The following SETBP1 variants were observed in gnomAD, a reference collection of about 807,000 sequenced individuals.
SETBP1 encodes the protein SET-binding protein.
A neutral mutation model predicts 101.0 loss-of-function variants in SETBP1; 9 were observed. The observed-to-expected ratio is 0.09, with a 90% confidence interval of 0.05 to 0.16. The LOEUF (loss-of-function observed/expected upper bound fraction) is 0.16, where lower values mean the gene tolerates loss of function less well. Among genes scored for constraint, SETBP1 ranks in the 10% least tolerant of loss-of-function variants. The pLI, the probability that SETBP1 is intolerant of heterozygous loss-of-function variation, is 1.00. For synonymous variants in SETBP1, 818 were observed against 788.5 expected (o/e 1.04, Z -0.63); for missense variants, 1,858 against 2,033.8 (o/e 0.91, Z 1.66).
intron 4 of SETBP1, among the ~76,000 whole-genome samples, chr18:44,981,816 G>A (rs1159125309): frequency 6.6e-6 from 1 of 152,082 alleles, no homozygotes; most frequent in Non-Finnish European, 1.5e-5. Context: ...TTTTTTTTAA[G>A]AAGCCCTTAG....
At chr18:44,748,387 A>G (rs925732501) in intron 2 of SETBP1, among the ~76,000 whole-genome samples, 2 of 152,250 alleles carry the variant, frequency 1.3e-5, no homozygotes, top group East Asian at 1.9e-4. Context: ...AGAGCAAACA[A>G]GAACATTGGT....
chr18:44,862,918 G>A (rs1446098337), intron 2 of SETBP1, among the ~76,000 whole-genome samples: 1 of 152,172 alleles, frequency 6.6e-6, no homozygotes, highest in Non-Finnish European at 1.5e-5. Flanking sequence ...AATGAGACCT[G>A]CATAGGTAAA....
chr18:44,713,293 A>C (rs2069386327), intron 2 of SETBP1, among the ~76,000 whole-genome samples: 1 of 151,858 alleles, frequency 6.6e-6, no homozygotes, highest in Admixed American at 6.6e-5. Flanking sequence ...ACCCCTTTCC[A>C]ACTCCCTAAG....
chr18:44,846,522 A>G (rs2072728166), intron 2 of SETBP1, among the ~76,000 whole-genome samples: 2 of 152,202 alleles, frequency 1.3e-5, no homozygotes, highest in South Asian at 4.1e-4. Context: ...GCATGTGCCC[A>G]GTTCCATTTT....
intron 2 of SETBP1, among the ~76,000 whole-genome samples, chr18:44,777,854 A>G (rs182822714): frequency 3.3e-5 from 5 of 152,252 alleles, no homozygotes; most frequent in Non-Finnish European, 5.9e-5. Context: ...TTTCTCAAGC[A>G]CTTTATTTGT....
rs893380042 is a variant in SETBP1, at chr18:45,066,772, C to A, written c.*3074C>A. The A allele has an allele frequency of 6.6e-6, 1 of 150,692 alleles. No homozygotes were observed. Among genetic ancestry groups the A allele is most frequent in the Non-Finnish European group, 1.5e-5 (1 of 67,726 alleles). 9.3% of individuals were successfully genotyped at this position (150,692 alleles called of 1,614,324 possible). On this transcript the variant is annotated 3_prime_UTR_variant, in exon 6 of 6. Transcript: ENST00000649279. Reference sequence around the variant, plus strand: ...AAGAGAAACCCCTTGATTTTTATTTCTTTTTCTTTTGTTTTCTGGATTACC... The same window carrying A: ...AAGAGAAACCCCTTGATTTTTATTTATTTTTCTTTTGTTTTCTGGATTACC...
intron 2 of SETBP1, among the ~76,000 whole-genome samples, chr18:44,721,344 GCA>G (rs1341294231): frequency 1.3e-5 from 2 of 152,178 alleles, no homozygotes; most frequent in African/African-American, 4.8e-5. Flanking sequence ...ATATAGGAAT[GCA>G]CAGAGGAAAG....
chr18:44,732,522 A>G (rs1313168374), intron 2 of SETBP1: 5 of 152,220 alleles, frequency 3.3e-5, no homozygotes, highest in Admixed American at 6.5e-5. Context: ...AGGAGCAGCC[A>G]TATTGTATGT....
intron 5 of SETBP1, among the ~76,000 whole-genome samples, chr18:45,058,070 A>G (rs1457567617): frequency 6.6e-6 from 1 of 152,250 alleles, no homozygotes; most frequent in Non-Finnish European, 1.5e-5. Context: ...GGCAATTTCA[A>G]ATATAGATAG....
chr18:44,755,149 A>G (rs1189730604), intron 2 of SETBP1, among the ~76,000 whole-genome samples: 1 of 152,242 alleles, frequency 6.6e-6, no homozygotes, highest in African/African-American at 2.4e-5. Flanking sequence ...TTTTCAGAAA[A>G]TGTTTTCCAA....
At chr18:44,816,193 C>G (rs368181706) in intron 2 of SETBP1, among the ~76,000 whole-genome samples, 20 of 152,126 alleles carry the variant, frequency 1.3e-4, no homozygotes, top group Admixed American at 7.2e-4. Context: ...CTTCCACAAG[C>G]CTTTTTCATT....
At chr18:44,946,413 C>T (rs2071208994) in intron 3 of SETBP1, among the ~76,000 whole-genome samples, 1 of 152,228 alleles carries the variant, frequency 6.6e-6, no homozygotes, top group African/African-American at 2.4e-5. Flanking sequence ...ATCCACCCTT[C>T]TGACAGTCTC....
chr18:44,952,099 A>T lies in SETBP1; in HGVS notation c.2759A>T (p.Lys920Met). ...AAGAACCGGCATGGCCACCGGCAAA[A>T]GCATCTCATTGTGGACAACTTTCTG... ...STKNRHGHRQ[K>M]HLIVDNFLAH... Residue 920 changes from lysine to methionine, a missense_variant, in exon 4 of 6, where the codon AAG (lysine) becomes ATG (methionine). This residue lies in a region of SETBP1 where 255 missense variants were observed against 300.1 expected (regional missense o/e 0.85). Coordinates refer to ENST00000649279, the MANE Select transcript of SETBP1 (RefSeq NM_015559.3). The T allele has an allele frequency of 6.2e-7, 1 of 1,614,100 alleles. No individual in the cohort carries two copies. Among genetic ancestry groups the T allele is most frequent in the Non-Finnish European group, 8.5e-7 (1 of 1,180,030 alleles).
rs1406116264 is a variant in SETBP1, at chr18:45,049,007, TAGA to T, written c.4171+10356_4171+10358del. Among the ~76,000 whole-genome samples, 14 of 66,922 alleles carry T rather than the reference TAGA, an allele frequency of 2.1e-4. No homozygotes were observed. In the South Asian group the frequency reaches 6.7e-3, roughly 32 times the overall value. 43.9% of individuals were successfully genotyped at this position (66,922 alleles called of 152,430 possible). A position where few individuals can be genotyped will look rare whatever the true frequency, so the allele number is the denominator to read the frequency against. ...AAAAAAAAAAAAAAAAAAAAAAAAA[TAGA>T]AGATTAGCCCCTGCCCCAGAGGAGC... On this transcript the variant is annotated intron_variant, in intron 5 of 5. Coordinates refer to ENST00000649279, the MANE Select transcript of SETBP1 (RefSeq NM_015559.3).
chr18:44,980,416 A>G lies in SETBP1; in HGVS notation c.4000+27076A>G, dbSNP rs546041621. ...CAATTTCATAGATCGTAGAATCTCA[A>G]AGTTAGAGGAAAGCTTAGAGGTCAT... On this transcript the variant is annotated intron_variant, in intron 4 of 5. Transcript: ENST00000649279. 2.0e-5 allele frequency among the ~76,000 whole-genome samples: 3 copies of G among 152,230 alleles called. No individual in the cohort carries two copies. The South Asian group carries it at 6.2e-4, about 32-fold the overall frequency.
chr18:45,030,713 T>G (rs1280858179), intron 4 of SETBP1, among the ~76,000 whole-genome samples: 1 of 148,744 alleles, frequency 6.7e-6, no homozygotes, highest in Non-Finnish European at 1.5e-5. Context: ...TATTCAGAGA[T>G]TCAGCTTCCT....
At chr18:44,752,090 C>T (rs11877480) in intron 2 of SETBP1, among the ~76,000 whole-genome samples, 2 of 152,002 alleles carry the variant, frequency 1.3e-5, no homozygotes, top group South Asian at 2.1e-4. Flanking sequence ...AACACAATGA[C>T]GTCTATAGAA....
At chr18:44,682,919 G>T (rs2068783124) in intron 1 of SETBP1, among the ~76,000 whole-genome samples, 1 of 152,026 alleles carries the variant, frequency 6.6e-6, no homozygotes, top group African/African-American at 2.4e-5. Flanking sequence ...GAGGTGGTGA[G>T]CGAATGCACC....
rs535002208 is a variant in SETBP1 at position 44,701,378 on chromosome 18, G to A, written c.32G>A (p.Arg11Gln). Reference protein sequence around the residue: MESRETLSSSRQRGGESDFLP... With the variant: MESRETLSSSQQRGGESDFLP... ...TCCAGGGAAACCTTAAGCAGCTCCC[G>A]GCAAAGAGGGGGCGAGTCAGACTTC... The change falls in exon 2 of 6, where the codon CGG becomes CAG. Residue 11 changes from arginine (R) to glutamine (Q), a missense_variant. Arg to Gln is a conservative substitution (Grantham distance 43). This residue lies in a region of SETBP1 where 97 missense variants were observed against 101.2 expected (regional missense o/e 0.96). Coordinates refer to ENST00000649279, the MANE Select transcript of SETBP1 (RefSeq NM_015559.3). 1.3e-5 allele frequency: 20 copies of A among 1,534,956 alleles called. No homozygotes were observed. Among genetic ancestry groups the A allele is most frequent in the East Asian group, 2.4e-5 (1 of 40,872 alleles).
Sources: allele counts gnomAD v4.1 joint callset (sites outside exome capture counted in the v4.1 genomes callset), GRCh38; gene constraint gnomAD v4.1.1; regional missense constraint gnomAD v4.1.1; transcripts MANE v1.5; gene names NCBI Gene and HGNC (gene_info 2026-07-23, HGNC 2026-07-21).